The following PRH1 variants were observed in gnomAD, a reference collection of about 807,000 sequenced individuals.
The protein encoded by PRH1 is salivary acidic proline-rich phosphoprotein 1/2.
PRH1 carries 7 observed loss-of-function variants against 7.9 expected under a neutral mutation model. The ratio of observed to expected loss-of-function variants is 0.89; its 90% CI spans 0.50 to 1.67. The LOEUF is 1.67. PRH1 is among the 40% of genes most tolerant of loss of function. The pLI, the probability that PRH1 is intolerant of heterozygous loss-of-function variation, is 0.00. For synonymous variants in PRH1, 45 were observed against 80.8 expected, an observed-to-expected ratio of 0.56 and a Z score of 2.38; for missense variants, 109 against 223.6, an observed-to-expected ratio of 0.49 and a Z score of 3.27.
intron 1 of PRH1, among the ~76,000 whole-genome samples, chr12:11,058,259 G>C (rs1345350630): frequency 2.0e-5 from 3 of 152,036 alleles, no homozygotes; most frequent in African/African-American, 7.3e-5. Context: ...ATATTATTTG[G>C]TAAAATAAAC....
chr12:11,086,725 C>T (rs1944715300), intron 1 of PRH1, among the ~76,000 whole-genome samples: 2 of 117,172 alleles, frequency 1.7e-5, no homozygotes, highest in African/African-American at 5.7e-5. Context: ...ACCAGCATGG[C>T]CAACACGGTG....
chr12:10,922,319 T>C (rs901107978), intron 2 of PRH1, among the ~76,000 whole-genome samples: 3 of 152,224 alleles, frequency 2.0e-5, no homozygotes, highest in African/African-American at 7.2e-5. Flanking sequence ...TGGATATGGA[T>C]TCTTAGCTTT....
chr12:10,997,456 C>A (rs769393295), intron 1 of PRH1: 1 of 1,613,808 alleles, frequency 6.2e-7, no homozygotes, highest in Non-Finnish European at 8.5e-7. Flanking sequence ...GGTGACAAAC[C>A]AAAAAGAACA....
At chr12:11,090,041 C>T (rs146990489) in intron 1 of PRH1, among the ~76,000 whole-genome samples, 913 of 85,228 alleles carry the variant, frequency 0.011, no homozygotes, top group Middle Eastern at 0.015. Flanking sequence ...CATCAGCTTA[C>T]CCATTTTAGC....
chr12:11,154,641 T>C (rs756330202), intron 1 of PRH1, among the ~76,000 whole-genome samples: 1 of 152,234 alleles, frequency 6.6e-6, no homozygotes, highest in African/African-American at 2.4e-5. Flanking sequence ...CTCTTGGAGC[T>C]GCCTTCAAAA....
intron 2 of PRH1, chr12:10,897,035 C>T (rs1949657040): frequency 6.6e-6 from 1 of 152,038 alleles, no homozygotes; most frequent in Non-Finnish European, 1.5e-5. Context: ...ATGTCCAAAC[C>T]CACATGCAGA....
chr12:11,039,427 C>T (rs1341589423), intron 1 of PRH1, among the ~76,000 whole-genome samples: 1 of 152,216 alleles, frequency 6.6e-6, no homozygotes, highest in East Asian at 1.9e-4. Context: ...ACACAATGTC[C>T]TTGCTGTAAG....
At chr12:11,112,422 A>G (rs985669485) in intron 1 of PRH1, among the ~76,000 whole-genome samples, 1 of 152,190 alleles carries the variant, frequency 6.6e-6, no homozygotes, top group Non-Finnish European at 1.5e-5. Flanking sequence ...CTGGCAAGCC[A>G]AATCCAGCAG....
intron 1 of PRH1, among the ~76,000 whole-genome samples, chr12:11,160,955 C>T (rs1475723316): frequency 6.6e-6 from 1 of 152,120 alleles, no homozygotes; most frequent in African/African-American, 2.4e-5. Context: ...CTTCCATGTC[C>T]TAAATTTCAT....
chr12:10,939,186 T>A (rs759751617), intron 2 of PRH1: 1 of 1,583,182 alleles, frequency 6.3e-7, no homozygotes, highest in South Asian at 1.2e-5. Context: ...AATGTAAATA[T>A]GCTCTTTATG....
intron 2 of PRH1, among the ~76,000 whole-genome samples, chr12:10,963,749 T>C (rs913093048): frequency 6.6e-6 from 1 of 152,222 alleles, no homozygotes; most frequent in African/African-American, 2.4e-5. Flanking sequence ...TTGTATAAAA[T>C]CTAATATTCC....
chr12:10,986,730 G>T (rs757698450), intron 1 of PRH1: 12 of 1,612,870 alleles, frequency 7.4e-6, no homozygotes, highest in Admixed American at 5.0e-5. Context: ...AATTTGGTCA[G>T]CTGAGGAGAT....
chr12:10,989,122 A>T (rs1050353996), intron 1 of PRH1, among the ~76,000 whole-genome samples: 2 of 152,074 alleles, frequency 1.3e-5, no homozygotes, highest in Non-Finnish European at 2.9e-5. Context: ...TTTTCTTTAT[A>T]CATTAACAAC....
intron 2 of PRH1, among the ~76,000 whole-genome samples, chr12:10,954,775 C>T (rs1362258396): frequency 6.6e-6 from 1 of 152,122 alleles, no homozygotes; most frequent in Non-Finnish European, 1.5e-5. Context: ...TGGCACCTGA[C>T]CTTGATAATC....
chr12:10,960,281 G>C (rs1027601343), intron 2 of PRH1, among the ~76,000 whole-genome samples: 4 of 152,192 alleles, frequency 2.6e-5, no homozygotes, highest in Admixed American at 6.5e-5. Context: ...AGAGATAAAC[G>C]ACTGAAAGGA....
intron 2 of PRH1, among the ~76,000 whole-genome samples, chr12:10,915,887 T>C (rs1291937671): frequency 6.6e-6 from 1 of 152,232 alleles, no homozygotes; most frequent in Non-Finnish European, 1.5e-5. Flanking sequence ...TTCCAATTTA[T>C]GAACCATCAT....
At chr12:11,042,440 A>G (rs915982573) in intron 1 of PRH1, among the ~76,000 whole-genome samples, 6 of 151,060 alleles carry the variant, frequency 4.0e-5, no homozygotes, top group Middle Eastern at 3.4e-3. Context: ...TGATAAGACC[A>G]AAAACAGGTA....
chr12:11,031,062 C>A lies in PRH1; in HGVS notation c.-126+15958G>T, dbSNP rs201717335. 1.7e-4 allele frequency: 282 copies of A among 1,611,944 alleles called. No individual in the cohort carries two copies. In the East Asian group the frequency reaches 3.4e-3, roughly 19 times the overall value. On this transcript the variant is annotated intron_variant, in intron 1 of 3. Transcript: ENST00000539853. ...GTAGCAAGCCAGTTGCTGAAATGGCCGGTTACTGCCCAGACATTATAAGCA... is the reference window on the plus strand; with the variant it reads ...GTAGCAAGCCAGTTGCTGAAATGGCAGGTTACTGCCCAGACATTATAAGCA...
At chr12:11,171,598 A>G (rs1028837804), upstream of PRH1, 2 of 1,220,244 alleles carry the variant, frequency 1.6e-6, no homozygotes. Flanking sequence ...CGGGGCCAGC[A>G]TGATGGCCGA....
Sources: allele counts gnomAD v4.1 joint callset (sites outside exome capture counted in the v4.1 genomes callset), GRCh38; gene constraint gnomAD v4.1.1; transcripts MANE v1.5; gene names NCBI Gene and HGNC (gene_info 2026-07-23, HGNC 2026-07-21).